Variants in FYCO1 observed in about 807,000 individuals in gnomAD.
FYCO1 encodes the protein FYVE and coiled-coil domain autophagy adaptor 1, also known as FYVE and coiled-coil domain-containing protein 1.
FYCO1 carries 122 observed loss-of-function variants against 165.1 expected under a neutral mutation model. The ratio of observed to expected loss-of-function variants is 0.74; its 90% CI spans 0.64 to 0.86. FYCO1 has a LOEUF of 0.86. Ranked by LOEUF, FYCO1 falls within the 40% of genes least tolerant of loss-of-function variation. The pLI is 0.00. For missense variants in FYCO1, 1,702 were observed against 1,810.3 expected (o/e 0.94, Z 1.09); for synonymous variants, 648 against 742.5 (o/e 0.87, Z 2.07).
chr3:45,926,944 A>C (rs1382202133), intron 16 of FYCO1, among the ~76,000 whole-genome samples: 1 of 145,776 alleles, frequency 6.9e-6, no homozygotes, highest in African/African-American at 2.6e-5. Context: ...AGCCTGGGCA[A>C]CAAGAGTGAA....
chr3:45,942,667 G>A (rs542429559), intron 14 of FYCO1, among the ~76,000 whole-genome samples: 2 of 152,310 alleles, frequency 1.3e-5, no homozygotes, highest in African/African-American at 2.4e-5. Context: ...GCCTTCCAGC[G>A]TTATTTCCCA....
intron 1 of FYCO1, among the ~76,000 whole-genome samples, chr3:45,994,769 C>T (rs1182462601): frequency 6.6e-6 from 1 of 152,020 alleles, no homozygotes; most frequent in African/African-American, 2.4e-5. Flanking sequence ...GCAGATTAAG[C>T]CCTGGATCCT....
intron 2 of FYCO1, among the ~76,000 whole-genome samples, chr3:45,982,615 A>G (rs1707113371): frequency 2.4e-5 from 2 of 85,038 alleles, no homozygotes; most frequent in African/African-American, 9.7e-5. Context: ...ATCCTGGAAA[A>G]CCTTTTCCCA....
chr3:45,925,513 C>T (rs754835286), intron 16 of FYCO1, among the ~76,000 whole-genome samples: 3 of 152,118 alleles, frequency 2.0e-5, no homozygotes, highest in African/African-American at 4.8e-5. Context: ...ACATTTTTAA[C>T]TTGTACAAAA....
At position 45,966,982 on chromosome 3, in the gene FYCO1, CT is replaced by C; in HGVS notation, c.2351del (p.Glu784GlyfsTer30). The stretch of plus-strand genomic sequence containing the variant: ...CCACCTGAGCCTGCAGCCGTTGGAC[CT>C]CCCCCTGATGGACTTCCAGCTGCGC... Reference protein sequence around the residue: ...SQAQLEVHQGEVQRLQAQVVD... With the variant: ...SQAQLEVHQGXVQRLQAQVVD... On this transcript the variant is annotated frameshift_variant, in exon 8 of 18. Coordinates refer to ENST00000296137, the MANE Select transcript of FYCO1 (RefSeq NM_024513.4). LOFTEE classifies it high-confidence loss of function. 1 of 1,613,322 alleles carries C rather than the reference CT, an allele frequency of 6.2e-7. No individual in the cohort carries two copies. Among genetic ancestry groups the C allele is most frequent in the Non-Finnish European group, 8.5e-7 (1 of 1,180,018 alleles).
chr3:45,994,301 G>GT (rs1344928012), intron 1 of FYCO1, among the ~76,000 whole-genome samples: 1 of 151,888 alleles, frequency 6.6e-6, no homozygotes, highest in East Asian at 1.9e-4. Flanking sequence ...GATTCTGTAT[G>GT]TTTATTTTTC....
In FYCO1 at chr3:45,995,200, C is replaced by T. The variant is rs548473629; in HGVS notation, c.-113+522G>A. Among the ~76,000 whole-genome samples the T allele has an allele frequency of 1.2e-3, 185 of 152,324 alleles. 2 individuals are homozygous for T. The highest frequency in any genetic ancestry group is 6.8e-3 in the Middle Eastern group (2 of 294). ...AAGGGGCAGTGGATAGTGAATAGGT[C>T]TTGGCCAAAGGATGGGCCAGGAAGA... On this transcript the variant is annotated intron_variant, in intron 1 of 17. Transcript: ENST00000296137.
At position 45,958,454 on chromosome 3, in the gene FYCO1, A is replaced by G; in HGVS notation, c.3753T>C (p.Pro1251=). The G allele has an allele frequency of 6.2e-7, 1 of 1,613,178 alleles. No individual in the cohort carries two copies. Among genetic ancestry groups the G allele is most frequent in the Non-Finnish European group, 8.5e-7 (1 of 1,180,008 alleles). ...GSGTSQGEPS[P]ALSPASPGPQ... is the part of the protein sequence containing the mutation. ...GCCCAGGTGAGGCTGGTGACAGTGCAGGGCTGGGCTCTCCCTGGCTAGTGC... is the reference window on the plus strand; with the variant it reads ...GCCCAGGTGAGGCTGGTGACAGTGCGGGGCTGGGCTCTCCCTGGCTAGTGC... The change falls in exon 13 of 18, where the codon CCT becomes CCC. Residue 1251 remains proline, a synonymous_variant. Coordinates refer to ENST00000296137, the MANE Select transcript of FYCO1 (RefSeq NM_024513.4).
intron 1 of FYCO1, among the ~76,000 whole-genome samples, chr3:45,994,733 G>A (rs1410596427): frequency 1.3e-5 from 2 of 151,996 alleles, no homozygotes; most frequent in Non-Finnish European, 1.5e-5. Flanking sequence ...AGACCACAAG[G>A]CCTGCACGGG....
rs553498406 is a variant in FYCO1 at position 45,937,567 on chromosome 3, G to A, written c.3945-1024C>T. 2.9e-4 allele frequency among the ~76,000 whole-genome samples: 44 copies of A among 152,346 alleles called. No individual in the cohort carries two copies. In the South Asian group the frequency reaches 6.2e-3, roughly 22 times the overall value. ...AACCAGATGGACTCTGGGTTCTGAT[G>A]GCTTGAAAAGGCTGTAAGTTTTAAA... is the stretch of plus-strand genomic sequence containing the variant. On this transcript the variant is annotated intron_variant, in intron 14 of 17. Transcript: ENST00000296137.
intron 4 of FYCO1, among the ~76,000 whole-genome samples, chr3:45,976,996 C>T (rs924907465): frequency 6.6e-5 from 10 of 152,166 alleles, no homozygotes; most frequent in Admixed American, 2.0e-4. Context: ...TGCAGATAGA[C>T]GATCTCAGCA....
Position 45,925,413 on chromosome 3 carries a change from TG to T in FYCO1, c.4252-1649del, listed in dbSNP as rs533188476. 2.4e-3 allele frequency among the ~76,000 whole-genome samples: 370 copies of T among 152,322 alleles called. 4 individuals are homozygous for T. Among genetic ancestry groups the T allele is most frequent in the African/African-American group, 7.8e-3 (323 of 41,566 alleles). On this transcript the variant is annotated intron_variant, in intron 16 of 17. Coordinates refer to ENST00000296137, the MANE Select transcript of FYCO1 (RefSeq NM_024513.4). ...CTAATGAGGTAAACTTCCCCAGAAG[TG>T]ACCATTTTTATTCTTTACAAAATAA...
rs41289620 is a variant in FYCO1, at chr3:45,962,243, C to G, written c.3419G>C (p.Arg1140Pro). ...LNRTKKYLEERLIELLRDKDA... is the reference protein window; with the variant it reads ...LNRTKKYLEEPLIELLRDKDA... ...CACTCACCTGAGCAGCTCTATCAGC[C>G]GCTCCTCGAGATACTTCTTGGTTCT... The change falls in exon 11 of 18, where the codon CGG becomes CCG. Residue 1140 changes from arginine (R) to proline (P), a missense_variant. Coordinates refer to ENST00000296137, the MANE Select transcript of FYCO1 (RefSeq NM_024513.4). This position sits in a 1 kb window ranked among gnomAD's most constrained non-coding sequence, Gnocchi z 4.4. 6.2e-7 allele frequency: 1 copy of G among 1,614,006 alleles called. No homozygotes were observed. The highest frequency in any genetic ancestry group is 1.1e-5 in the South Asian group (1 of 91,088).
chr3:45,990,861 T>C (rs1707526771), intron 1 of FYCO1, among the ~76,000 whole-genome samples: 1 of 152,138 alleles, frequency 6.6e-6, no homozygotes, highest in Non-Finnish European at 1.5e-5. Context: ...AACCTCCCCC[T>C]CCCAGGTTCA....
intron 4 of FYCO1, among the ~76,000 whole-genome samples, chr3:45,977,154 T>C (rs1460775461): frequency 1.3e-5 from 2 of 151,954 alleles, no homozygotes; most frequent in African/African-American, 4.8e-5. Flanking sequence ...GTGAAGCATG[T>C]CAATTATACA....
intron 16 of FYCO1, among the ~76,000 whole-genome samples, chr3:45,929,760 A>G (rs767253357): frequency 6.6e-6 from 1 of 152,230 alleles, no homozygotes; most frequent in Non-Finnish European, 1.5e-5. Flanking sequence ...AGGCCAACCC[A>G]AGGGAGTAGA....
At position 45,955,256 on chromosome 3, in the gene FYCO1, C is replaced by T. The variant is rs904781752; in HGVS notation, c.3937G>A (p.Ala1313Thr). 3.1e-6 allele frequency: 5 copies of T among 1,613,928 alleles called. No homozygotes were observed. The highest frequency in any genetic ancestry group is 1.3e-5 in the African/African-American group (1 of 75,034). The part of the protein sequence containing the change: ...TETDSLDPNA[A>T]EQDTTSTSLT... ...GGGGTGACCTCTACTCACTGTTCAG[C>T]CGCATTTGGGTCGAGAGAATCAGTT... The change falls in exon 14 of 18, where the codon GCT (alanine) becomes ACT (threonine). Residue 1313 changes from alanine (A) to threonine (T), a missense_variant. Transcript: ENST00000296137.
rs2125852238 is a variant in FYCO1, at chr3:45,967,991, A to G, written c.1343T>C (p.Leu448Pro). Residue 448 changes from leucine (L) to proline (P), a missense_variant, in exon 8 of 18, where the codon CTG (leucine) becomes CCG (proline). Leu to Pro is a moderately conservative substitution (Grantham distance 98, BLOSUM62 -3). Transcript: ENST00000296137. ...KEDARASLER[L>P]VKEMAPLQEE... Reference sequence around the variant, plus strand: ...CTGGAGTGGGGCCATCTCCTTCACCAGGCGCTCCAGGCTGGCCCGGGCATC... The same window carrying G: ...CTGGAGTGGGGCCATCTCCTTCACCGGGCGCTCCAGGCTGGCCCGGGCATC... 1 of 1,613,952 alleles carries G rather than the reference A, an allele frequency of 6.2e-7. No homozygotes were observed.
chr3:45,970,573 T>A (rs1403552664), intron 6 of FYCO1, among the ~76,000 whole-genome samples: 1 of 152,240 alleles, frequency 6.6e-6, no homozygotes, highest in Non-Finnish European at 1.5e-5. Flanking sequence ...CACCATGGGT[T>A]GGCATTCTTT....
Sources: gnomAD v4.1 joint callset for allele counts (sites outside exome capture counted in the v4.1 genomes callset) on GRCh38, gnomAD v4.1.1 for gene constraint, Gnocchi (gnomAD v3.1) non-coding constraint, MANE v1.5 for transcripts, NCBI Gene and HGNC (gene_info 2026-07-23, HGNC 2026-07-21) for gene names.